Variants in NOS1AP observed in about 807,000 individuals in gnomAD.
The protein encoded by NOS1AP is nitric oxide synthase 1 adaptor protein, also known as carboxyl-terminal PDZ ligand of neuronal nitric oxide synthase protein.
Under a neutral mutation model 56.2 loss-of-function variants are expected in NOS1AP, and 21 were observed. The observed-to-expected ratio is 0.37, with a 90% CI of 0.26 to 0.54. NOS1AP has a LOEUF of 0.54. Ranked by LOEUF, NOS1AP falls within the 20% of genes least tolerant of loss-of-function variation. The probability of loss-of-function intolerance (pLI) is 0.84; values close to 1 mark genes in which losing one functional copy is unlikely to be tolerated. For synonymous variants in NOS1AP, 270 were observed against 274.6 expected (o/e 0.98, Z 0.17); for missense variants, 522 against 657.8 (o/e 0.79, Z 2.26).
chr1:162,281,044 A>G (rs182270718), intron 2 of NOS1AP, among the ~76,000 whole-genome samples: 31 of 152,334 alleles, frequency 2.0e-4, no homozygotes, highest in African/African-American at 6.0e-4. Context: ...ACAGAAATTC[A>G]TCTCACGACC....
chr1:162,127,440 A>G (rs1169676416), intron 1 of NOS1AP, among the ~76,000 whole-genome samples: 1 of 152,014 alleles, frequency 6.6e-6, no homozygotes, highest in African/African-American at 2.4e-5. Context: ...TTCATACTTC[A>G]TCACTAAATA....
chr1:162,274,519 T>C (rs767506976), intron 2 of NOS1AP, among the ~76,000 whole-genome samples: 1 of 152,262 alleles, frequency 6.6e-6, no homozygotes, highest in African/African-American at 2.4e-5. Flanking sequence ...TTTAATTTTA[T>C]CTATTCTAAT....
At chr1:162,326,524 A>T (rs1485482022) in intron 4 of NOS1AP, among the ~76,000 whole-genome samples, 1 of 152,222 alleles carries the variant, frequency 6.6e-6, no homozygotes, top group Non-Finnish European at 1.5e-5. Context: ...AGGCACATAT[A>T]AGAAATAGTT....
At chr1:162,165,960 C>T (rs1650476672) in intron 2 of NOS1AP, among the ~76,000 whole-genome samples, 1 of 152,192 alleles carries the variant, frequency 6.6e-6, no homozygotes, top group South Asian at 2.1e-4. Flanking sequence ...AGAACATGCA[C>T]TTGTTTTTCA....
chr1:162,070,794 A>C (rs1023291315), intron 1 of NOS1AP, among the ~76,000 whole-genome samples: 1 of 151,992 alleles, frequency 6.6e-6, no homozygotes, highest in Non-Finnish European at 1.5e-5. Context: ...TGTCAGAGTC[A>C]CTTCCTAAAT....
chr1:162,363,939 G>C (rs575651597), intron 8 of NOS1AP: 3 of 985,412 alleles, frequency 3.0e-6, no homozygotes, highest in African/African-American at 1.7e-5. Context: ...ATCAGAAATA[G>C]GGTCAACGGC....
intron 2 of NOS1AP, among the ~76,000 whole-genome samples, chr1:162,226,518 A>G (rs1165195324): frequency 6.6e-6 from 1 of 152,220 alleles, no homozygotes; most frequent in Non-Finnish European, 1.5e-5. Context: ...CATTACAACA[A>G]TAATTGTGAA....
chr1:162,335,217 C>T (rs1248922509), intron 5 of NOS1AP, among the ~76,000 whole-genome samples: 4 of 152,204 alleles, frequency 2.6e-5, no homozygotes, highest in Non-Finnish European at 5.9e-5. Context: ...TTCATCCTCA[C>T]CTACTGAGAC....
chr1:162,309,055 T>C (rs995465367), intron 4 of NOS1AP, among the ~76,000 whole-genome samples: 4 of 152,236 alleles, frequency 2.6e-5, no homozygotes, highest in Admixed American at 2.0e-4. Flanking sequence ...TAAGCTTGCA[T>C]ACTCTGTTTT....
chr1:162,116,447 T>A (rs1324743294), intron 1 of NOS1AP, among the ~76,000 whole-genome samples: 1 of 152,188 alleles, frequency 6.6e-6, no homozygotes, highest in Non-Finnish European at 1.5e-5. Context: ...TTTCTTGGGA[T>A]CCATCATACC....
At chr1:162,092,364 T>C (rs1479345570) in intron 1 of NOS1AP, among the ~76,000 whole-genome samples, 1 of 152,158 alleles carries the variant, frequency 6.6e-6, no homozygotes, top group African/African-American at 2.4e-5. Flanking sequence ...CTATCACAGC[T>C]CTCCTGTGGC....
intron 8 of NOS1AP, among the ~76,000 whole-genome samples, chr1:162,362,081 C>A (rs968255599): frequency 3.3e-5 from 5 of 152,338 alleles, no homozygotes. Context: ...GAGTACCCAA[C>A]AGACAAGCAC....
chr1:162,168,125 G>A (rs1650591183), intron 2 of NOS1AP, among the ~76,000 whole-genome samples: 1 of 152,218 alleles, frequency 6.6e-6, no homozygotes, highest in Non-Finnish European at 1.5e-5. Context: ...TTTATGAAGA[G>A]GAGATTCAGT....
intron 1 of NOS1AP, among the ~76,000 whole-genome samples, chr1:162,137,561 C>T (rs1485789447): frequency 1.3e-5 from 2 of 152,084 alleles, no homozygotes; most frequent in Non-Finnish European, 2.9e-5. Context: ...AACCTCAGAG[C>T]TCTGTTTTTC....
rs1018334696 is a variant in NOS1AP at position 162,360,079 on chromosome 1, A to G, written c.939+2943A>G. Among the ~76,000 whole-genome samples, 3 of 132,248 alleles carry G rather than the reference A, an allele frequency of 2.3e-5. No homozygotes were observed. In the East Asian group the frequency reaches 7.2e-4, roughly 32 times the overall value. The allele number at this position is 132,248 out of a possible 152,430, so 86.8% of individuals were successfully genotyped here. On this transcript the variant is annotated intron_variant, in intron 8 of 9. Transcript: ENST00000361897. ...TGCTGTTGCCATGGGGACCAGGCTTAGGTTTCCTTCACAGTGTCCTGATTT... is the reference window on the plus strand; with the variant it reads ...TGCTGTTGCCATGGGGACCAGGCTTGGGTTTCCTTCACAGTGTCCTGATTT...
chr1:162,139,609 G>C (rs1196054058), intron 1 of NOS1AP, among the ~76,000 whole-genome samples: 2 of 152,196 alleles, frequency 1.3e-5, no homozygotes, highest in Non-Finnish European at 2.9e-5. Context: ...ATAACCCTTT[G>C]TAGGAAGAAC....
chr1:162,216,829 T>C (rs112138878), intron 2 of NOS1AP, among the ~76,000 whole-genome samples: 74 of 152,366 alleles, frequency 4.9e-4, no homozygotes, highest in African/African-American at 1.7e-3. Flanking sequence ...CTTTCTAAAC[T>C]TCTCTGTGCT....
chr1:162,331,882 C>T (rs1207654109), intron 4 of NOS1AP, among the ~76,000 whole-genome samples: 1 of 152,198 alleles, frequency 6.6e-6, no homozygotes, highest in Non-Finnish European at 1.5e-5. Context: ...TAGGGCCTTG[C>T]TTATAATTTT....
chr1:162,100,516 G>A (rs573336216), intron 1 of NOS1AP, among the ~76,000 whole-genome samples: 1 of 152,188 alleles, frequency 6.6e-6, no homozygotes, highest in East Asian at 1.9e-4. Context: ...TGAGTTCATT[G>A]TAGATTCTGG....
Sources: gnomAD v4.1 joint callset for allele counts (sites outside exome capture counted in the v4.1 genomes callset) on GRCh38, gnomAD v4.1.1 for gene constraint, MANE v1.5 for transcripts, NCBI Gene and HGNC (gene_info 2026-07-23, HGNC 2026-07-21) for gene names.